PRR16: variants seen among roughly 807,000 people sequenced by gnomAD.
PRR16 encodes proline rich 16.
Under a neutral mutation model 18.2 loss-of-function variants are expected in PRR16, and 6 were observed. The ratio of observed to expected loss-of-function variants is 0.33; its 90% CI spans 0.18 to 0.65. The LOEUF (loss-of-function observed/expected upper bound fraction) is 0.65, where lower values mean the gene tolerates loss of function less well. Ranked by LOEUF, PRR16 falls within the 30% of genes least tolerant of loss-of-function variation. PRR16 has a pLI of 0.74. For missense variants in PRR16, 412 were observed against 376.6 expected (o/e 1.09, Z -0.78); for synonymous variants, 151 against 147.8 (o/e 1.02, Z -0.16).
chr5:120,664,791 A>G (rs924259201), intron 1 of PRR16, among the ~76,000 whole-genome samples: 2 of 142,488 alleles, frequency 1.4e-5, no homozygotes, highest in African/African-American at 2.6e-5. Context: ...TGAACTCATC[A>G]TTTTTTATGG....
At chr5:120,757,180 C>T in the PRR16 span, among the ~76,000 whole-genome samples, 1 of 151,948 alleles carries the variant, frequency 6.6e-6, no homozygotes, top group Non-Finnish European at 1.5e-5. Flanking sequence ...GTCTATTTGT[C>T]TGCTTTTGTA....
intron 1 of PRR16, among the ~76,000 whole-genome samples, chr5:120,564,451 C>T (rs1752672860): frequency 6.6e-6 from 1 of 152,088 alleles, no homozygotes; most frequent in Non-Finnish European, 1.5e-5. Flanking sequence ...ATGAGCATGT[C>T]CCCTCTAGCT....
the PRR16 span, among the ~76,000 whole-genome samples, chr5:120,737,314 T>A: frequency 1.7e-5 from 1 of 58,828 alleles, no homozygotes; most frequent in African/African-American, 7.0e-5. Context: ...TGAGTTTTTT[T>A]TTTTTTTTTT....
intron 1 of PRR16, among the ~76,000 whole-genome samples, chr5:120,659,485 G>A (rs1756102161): frequency 6.6e-6 from 1 of 151,928 alleles, no homozygotes; most frequent in South Asian, 2.1e-4. Flanking sequence ...GGGTACATGT[G>A]ATATTTTGAT....
At chr5:120,775,534 G>T in the PRR16 span, among the ~76,000 whole-genome samples, 1 of 151,696 alleles carries the variant, frequency 6.6e-6, no homozygotes, top group Non-Finnish European at 1.5e-5. Flanking sequence ...TTCCTAACCT[G>T]CTATTCCTGA....
intron 1 of PRR16, among the ~76,000 whole-genome samples, chr5:120,493,331 A>G (rs927848873): frequency 6.6e-6 from 1 of 152,078 alleles, no homozygotes; most frequent in African/African-American, 2.4e-5. Context: ...ATTTTTTCAT[A>G]TGGTTGTTGG....
chr5:120,755,891 C>A, the PRR16 span, among the ~76,000 whole-genome samples: 2 of 152,024 alleles, frequency 1.3e-5, no homozygotes, highest in African/African-American at 4.8e-5. Flanking sequence ...AAAGTGTACT[C>A]CAGAGTGGGA....
chr5:120,519,370 T>TA (rs373580886), intron 1 of PRR16, among the ~76,000 whole-genome samples: 1 of 152,130 alleles, frequency 6.6e-6, no homozygotes, highest in Non-Finnish European at 1.5e-5. Flanking sequence ...AATTACGTAA[T>TA]AAAAAGAAGA....
chr5:120,666,570 A>T (rs1050747142), intron 1 of PRR16, among the ~76,000 whole-genome samples: 1 of 152,082 alleles, frequency 6.6e-6, no homozygotes, highest in African/African-American at 2.4e-5. Context: ...GTTTTTGCCC[A>T]TTCAGTATGA....
At chr5:120,601,626 T>G (rs1580774061) in intron 1 of PRR16, among the ~76,000 whole-genome samples, 1 of 152,118 alleles carries the variant, frequency 6.6e-6, no homozygotes, top group South Asian at 2.1e-4. Flanking sequence ...TTCTTTCTCA[T>G]GAAATCTTTG....
At chr5:120,491,420 TTTCCTTTCCTTTCC>T in intron 1 of PRR16, among the ~76,000 whole-genome samples, 1 of 188 alleles carries the variant, frequency 5.3e-3, no homozygotes, top group East Asian at 0.17. Flanking sequence ...GCATATACCC[TTTCCTTTCCTTTCC>T]TTTCCTTTCC....
At chr5:120,572,572 G>C (rs957125265) in intron 1 of PRR16, among the ~76,000 whole-genome samples, 17 of 152,112 alleles carry the variant, frequency 1.1e-4, no homozygotes, top group African/African-American at 3.9e-4. Context: ...GTCAGGAGAT[G>C]AGGAAAGAGC....
intron 1 of PRR16, among the ~76,000 whole-genome samples, chr5:120,470,986 C>T (rs1254313946): frequency 6.6e-6 from 1 of 152,086 alleles, no homozygotes; most frequent in Admixed American, 6.6e-5. Context: ...AAACTGTCTT[C>T]CAGGGAGTTT....
chr5:120,473,050 G>A (rs1320949750), intron 1 of PRR16, among the ~76,000 whole-genome samples: 2 of 152,044 alleles, frequency 1.3e-5, no homozygotes, highest in African/African-American at 4.8e-5. Context: ...TTCTTGATAT[G>A]TGTAAGTCAC....
At chr5:120,617,371 ACACT>A (rs796541010) in intron 1 of PRR16, among the ~76,000 whole-genome samples, 28 of 152,326 alleles carry the variant, frequency 1.8e-4, no homozygotes, top group Admixed American at 1.1e-3. Flanking sequence ...AACATGATTA[ACACT>A]CACAACACTA....
At chr5:120,741,471 A>G in the PRR16 span, among the ~76,000 whole-genome samples, 2 of 152,134 alleles carry the variant, frequency 1.3e-5, no homozygotes, top group Non-Finnish European at 2.9e-5. Flanking sequence ...TTTTTCAGTT[A>G]TTACAAAGTT....
chr5:120,594,662 CA>C (rs1753744125), intron 1 of PRR16, among the ~76,000 whole-genome samples: 2 of 151,970 alleles, frequency 1.3e-5, no homozygotes, highest in African/African-American at 4.8e-5. Flanking sequence ...CAATCCTAAG[CA>C]AAAAGAACAA....
At chr5:120,635,706 A>G (rs1261345452) in intron 1 of PRR16, among the ~76,000 whole-genome samples, 1 of 152,114 alleles carries the variant, frequency 6.6e-6, no homozygotes, top group Non-Finnish European at 1.5e-5. Flanking sequence ...TGAGGACTGG[A>G]ACAAGACAAG....
chr5:120,715,458 G>T, the PRR16 span, among the ~76,000 whole-genome samples: 187 of 152,154 alleles, frequency 1.2e-3, no homozygotes, highest in African/African-American at 4.2e-3. Flanking sequence ...ATGCTTCACA[G>T]GTGCATTCAA....
Sources: gnomAD v4.1 joint callset for allele counts (sites outside exome capture counted in the v4.1 genomes callset) on GRCh38, gnomAD v4.1.1 for gene constraint, MANE v1.5 for transcripts, NCBI Gene and HGNC (gene_info 2026-07-23, HGNC 2026-07-21) for gene names.